FBXO40: variants seen among roughly 807,000 people sequenced by gnomAD.
FBXO40 encodes the protein F-box only protein 40.
In FBXO40, 50 loss-of-function variants were observed where a neutral mutation model predicts 49.9. The observed-to-expected ratio is 1.00, with a 90% CI of 0.80 to 1.27. The LOEUF is 1.27. FBXO40 is among the 50% of genes most tolerant of loss of function. The probability of loss-of-function intolerance (pLI) is 0.00; values close to 1 mark genes in which losing one functional copy is unlikely to be tolerated. For missense variants in FBXO40, 895 were observed against 870.1 expected (o/e 1.03, Z -0.36); for synonymous variants, 340 against 320.2 (o/e 1.06, Z -0.66).
At chr3:121,596,625 G>A (rs535115449) in intron 1 of FBXO40, among the ~76,000 whole-genome samples, 1 of 152,286 alleles carries the variant, frequency 6.6e-6, no homozygotes, top group South Asian at 2.1e-4. Context: ...CGGATTCTGT[G>A]CCTGTCAAGT....
intron 3 of FBXO40, among the ~76,000 whole-genome samples, chr3:121,625,802 G>A (rs1576457220): frequency 6.6e-6 from 1 of 152,240 alleles, no homozygotes; most frequent in Admixed American, 6.5e-5. Context: ...AAGTAAAAAG[G>A]GAAACAGTTC....
rs143299402 is a variant in FBXO40, at chr3:121,597,735, C to T, written c.-31+4233C>T. 3.9e-3 allele frequency among the ~76,000 whole-genome samples: 562 copies of T among 143,820 alleles called. 10 individuals are homozygous for T. The highest frequency in any genetic ancestry group is 0.014 in the African/African-American group (537 of 38,620). 94.4% of individuals were successfully genotyped at this position (143,820 alleles called of 152,430 possible). On this transcript the variant is annotated intron_variant, in intron 1 of 3. Coordinates refer to ENST00000338040, the MANE Select transcript of FBXO40 (RefSeq NM_016298.4). ...GGAGTGCAGTGGCATGATCTTGGCTCACCACAACCTCTGCCTCCCAGGTTC... is the reference window on the plus strand; with the variant it reads ...GGAGTGCAGTGGCATGATCTTGGCTTACCACAACCTCTGCCTCCCAGGTTC...
chr3:121,612,198 G>A (rs2048969800), intron 1 of FBXO40, among the ~76,000 whole-genome samples: 1 of 152,202 alleles, frequency 6.6e-6, no homozygotes. Flanking sequence ...GTCAGGCACA[G>A]AAAAGGGTAC....
At chr3:121,624,224 A>T (rs6438643) in intron 3 of FBXO40, among the ~76,000 whole-genome samples, 78,331 of 149,736 alleles carry the variant, frequency 0.52, 20,577 homozygotes, top group African/African-American at 0.6. Flanking sequence ...TCCCAACCTC[A>T]GGTGATCCAC....
At chr3:121,604,645 A>G (rs2048921604) in intron 1 of FBXO40, among the ~76,000 whole-genome samples, 1 of 152,220 alleles carries the variant, frequency 6.6e-6, no homozygotes, top group South Asian at 2.1e-4. Context: ...ATATATATAC[A>G]ATATTTGATT....
At chr3:121,603,934 G>A (rs1157315591) in intron 1 of FBXO40, among the ~76,000 whole-genome samples, 1 of 152,126 alleles carries the variant, frequency 6.6e-6, no homozygotes, top group Non-Finnish European at 1.5e-5. Flanking sequence ...TAGCCAGGAC[G>A]GTCTCGATCT....
chr3:121,600,875 T>C (rs995541624), intron 1 of FBXO40, among the ~76,000 whole-genome samples: 1 of 152,186 alleles, frequency 6.6e-6, no homozygotes, highest in Non-Finnish European at 1.5e-5. Context: ...TCTCTCAATC[T>C]AGGAAAGTCA....
At chr3:121,626,104 A>G (rs2049060493) in intron 3 of FBXO40, among the ~76,000 whole-genome samples, 1 of 152,264 alleles carries the variant, frequency 6.6e-6, no homozygotes, top group Non-Finnish European at 1.5e-5. Context: ...TTATTGGCCT[A>G]TGTAACTAAA....
chr3:121,609,251 G>T (rs976868926), intron 1 of FBXO40, among the ~76,000 whole-genome samples: 6 of 151,874 alleles, frequency 4.0e-5, no homozygotes, highest in Non-Finnish European at 5.9e-5. Context: ...TTATAAAAAA[G>T]ATATATTCAA....
At chr3:121,606,412 C>G (rs1464102) in intron 1 of FBXO40, among the ~76,000 whole-genome samples, 78,868 of 152,048 alleles carry the variant, frequency 0.52, 21,276 homozygotes, top group East Asian at 0.7. Flanking sequence ...TATTGGAGTG[C>G]TCAGAGCACT....
At chr3:121,625,992 C>T (rs2049059937) in intron 3 of FBXO40, among the ~76,000 whole-genome samples, 1 of 152,218 alleles carries the variant, frequency 6.6e-6, no homozygotes, top group Non-Finnish European at 1.5e-5. Flanking sequence ...TCATAGAATT[C>T]TCCTATGGGG....
chr3:121,594,324 C>A (rs931480344), intron 1 of FBXO40, among the ~76,000 whole-genome samples: 1 of 152,106 alleles, frequency 6.6e-6, no homozygotes, highest in Non-Finnish European at 1.5e-5. Context: ...CTTCAGCCTC[C>A]TGAGTAGCTG....
chr3:121,611,556 C>G (rs912435742), intron 1 of FBXO40, among the ~76,000 whole-genome samples: 36 of 152,202 alleles, frequency 2.4e-4, no homozygotes, highest in South Asian at 8.3e-4. Context: ...CAGAATTGAA[C>G]AAATATACAA....
intron 1 of FBXO40, among the ~76,000 whole-genome samples, chr3:121,598,878 C>T (rs2048886287): frequency 6.6e-6 from 1 of 151,910 alleles, no homozygotes. Context: ...AAGTTGCTGC[C>T]CCCTTGCCAG....
chr3:121,612,722 G>A (rs2048973072), intron 1 of FBXO40, among the ~76,000 whole-genome samples: 1 of 152,072 alleles, frequency 6.6e-6, no homozygotes, highest in Non-Finnish European at 1.5e-5. Context: ...TGTAACACCT[G>A]AGGTCCACCT....
At chr3:121,607,608 C>A (rs558497497) in intron 1 of FBXO40, among the ~76,000 whole-genome samples, 1 of 151,850 alleles carries the variant, frequency 6.6e-6, no homozygotes, top group East Asian at 2.0e-4. Flanking sequence ...CGCACCTGGC[C>A]GAGACCTCTA....
At chr3:121,616,549 T>A (rs1314754088) in intron 1 of FBXO40, among the ~76,000 whole-genome samples, 1 of 152,254 alleles carries the variant, frequency 6.6e-6, no homozygotes, top group Non-Finnish European at 1.5e-5. Context: ...TAGCCACATG[T>A]GGCTTGTGAC....
At position 121,622,542 on chromosome 3, in the gene FBXO40, G is replaced by A. The variant is rs1410187445; in HGVS notation, c.1113G>A (p.Lys371=). The A allele has an allele frequency of 1.2e-6, 2 of 1,614,192 alleles. No individual in the cohort carries two copies. The highest frequency in any genetic ancestry group is 1.7e-6 in the Non-Finnish European group (2 of 1,180,030). Residue 371 remains lysine (K), a synonymous_variant, in exon 3 of 4, where the codon AAG becomes AAA. Coordinates refer to ENST00000338040, the MANE Select transcript of FBXO40 (RefSeq NM_016298.4). ...ARLGDAMLSC[K]PSEHKAVDTS... is the part of the protein sequence containing the mutation. ...TTGGAGATGCCATGTTGAGTTGTAA[G>A]CCAAGTGAACACAAGGCAGTGGATA... is the stretch of plus-strand genomic sequence containing the variant.
At chr3:121,597,686 G>C (rs933646454) in intron 1 of FBXO40, among the ~76,000 whole-genome samples, 43 of 106,366 alleles carry the variant, frequency 4.0e-4, no homozygotes, top group African/African-American at 1.4e-3. Context: ...TTTTGAGACA[G>C]AATTTCACTC....
Sources: allele counts gnomAD v4.1 joint callset (sites outside exome capture counted in the v4.1 genomes callset), GRCh38; gene constraint gnomAD v4.1.1; transcripts MANE v1.5; gene names NCBI Gene and HGNC (gene_info 2026-07-23, HGNC 2026-07-21).